Variants in TMEM108 observed in about 807,000 individuals in gnomAD.
The protein encoded by TMEM108 is cancer/testis antigen 124.
TMEM108 carries 12 observed loss-of-function variants against 35.1 expected under a neutral mutation model. That is an observed-to-expected ratio of 0.34 (90% CI 0.22 to 0.55). The LOEUF (loss-of-function observed/expected upper bound fraction) is 0.55, where lower values mean the gene tolerates loss of function less well. TMEM108 is among the 20% of genes least tolerant of loss of function. TMEM108 has a pLI of 0.89. For missense variants in TMEM108, 680 were observed against 753.3 expected, an observed-to-expected ratio of 0.90 and a Z score of 1.14; for synonymous variants, 287 against 308.6, an observed-to-expected ratio of 0.93 and a Z score of 0.73.
intron 2 of TMEM108, among the ~76,000 whole-genome samples, chr3:133,114,013 C>A (rs1944257186): frequency 6.6e-6 from 1 of 152,120 alleles, no homozygotes; most frequent in Non-Finnish European, 1.5e-5. Context: ...GTGAAAGTAG[C>A]CTGCATTTGC....
rs140424857 is a variant in TMEM108 at position 133,261,149 on chromosome 3, C to A, written c.40+31798C>A. ...ACTAGGGCCATCTCTGGAAGTGGTA[C>A]CTGTTTCATTCATTTATTCATTCAT... is the stretch of plus-strand genomic sequence containing the variant. On this transcript the variant is annotated intron_variant, in intron 3 of 5. Coordinates refer to ENST00000321871, the MANE Select transcript of TMEM108 (RefSeq NM_023943.4). 2.5e-3 allele frequency among the ~76,000 whole-genome samples: 381 copies of A among 152,232 alleles called. 1 individual carries two copies. Among genetic ancestry groups the A allele is most frequent in the African/African-American group, 8.7e-3 (361 of 41,536 alleles).
chr3:133,040,430 C>T (rs906113616), intron 1 of TMEM108, among the ~76,000 whole-genome samples: 1 of 151,818 alleles, frequency 6.6e-6, no homozygotes, highest in African/African-American at 2.4e-5. Flanking sequence ...GTCTTGAACT[C>T]CTGACCTCGT....
At chr3:133,041,765 C>T (rs977755849) in intron 1 of TMEM108, 8 of 152,142 alleles carry the variant, frequency 5.3e-5, no homozygotes, top group Admixed American at 4.6e-4. Flanking sequence ...ACAACTTAAT[C>T]GTTTCTAATT....
At chr3:133,089,527 TG>T (rs891736069) in intron 2 of TMEM108, among the ~76,000 whole-genome samples, 1 of 152,198 alleles carries the variant, frequency 6.6e-6, no homozygotes, top group Non-Finnish European at 1.5e-5. Context: ...TGGTGCTCTA[TG>T]GGCAGGTGAG....
intron 3 of TMEM108, among the ~76,000 whole-genome samples, chr3:133,343,906 T>C (rs1291389284): frequency 6.6e-6 from 1 of 151,916 alleles, no homozygotes; most frequent in Non-Finnish European, 1.5e-5. Flanking sequence ...AGTTGACCCT[T>C]GAACAACATA....
At position 133,324,997 on chromosome 3, in the gene TMEM108, A is replaced by T. The variant is rs929255257; in HGVS notation, c.41-54755A>T. Among the ~76,000 whole-genome samples the T allele has an allele frequency of 9.9e-5, 15 of 152,074 alleles. 1 individual carries two copies. Among genetic ancestry groups the T allele is most frequent in the Admixed American group, 8.5e-4 (13 of 15,246 alleles). ...TCTCAGAAAAAAGAAGAAGAAGAAG[A>T]AGTCATTATATGAAAAAGACACAAA... On this transcript the variant is annotated intron_variant, in intron 3 of 5. Coordinates refer to ENST00000321871, the MANE Select transcript of TMEM108 (RefSeq NM_023943.4).
intron 3 of TMEM108, among the ~76,000 whole-genome samples, chr3:133,244,331 G>A (rs1042588507): frequency 2.0e-5 from 3 of 152,172 alleles, no homozygotes; most frequent in Non-Finnish European, 4.4e-5. Flanking sequence ...TCCATTGCTA[G>A]GACCTTGTTC....
In TMEM108 at chr3:133,335,622, G is replaced by A. The variant is rs144784538; in HGVS notation, c.41-44130G>A. Among the ~76,000 whole-genome samples, 10 of 152,302 alleles carry A rather than the reference G, an allele frequency of 6.6e-5. No homozygotes were observed. In the East Asian group the frequency reaches 1.9e-3, roughly 29 times the overall value. ...TTAAATAAGATTTGATAAAGAAAAT[G>A]TGGTATATAGAATGAGCAGAGCAAA... On this transcript the variant is annotated intron_variant, in intron 3 of 5. Coordinates refer to ENST00000321871, the MANE Select transcript of TMEM108 (RefSeq NM_023943.4).
intron 2 of TMEM108, among the ~76,000 whole-genome samples, chr3:133,049,138 G>T (rs185651672): frequency 1.3e-5 from 2 of 152,128 alleles, no homozygotes; most frequent in South Asian, 2.1e-4. Context: ...TGGGGAGGGC[G>T]CAGATAAAGT....
chr3:133,302,425 T>C (rs1315531474), intron 3 of TMEM108, among the ~76,000 whole-genome samples: 1 of 145,498 alleles, frequency 6.9e-6, no homozygotes, highest in Non-Finnish European at 1.5e-5. Context: ...CTTTTTTTTT[T>C]TTTTTTTTTT....
chr3:133,096,821 A>G (rs1421370045), intron 2 of TMEM108, among the ~76,000 whole-genome samples: 2 of 152,246 alleles, frequency 1.3e-5, no homozygotes, highest in East Asian at 3.8e-4. Flanking sequence ...CTGTGGGTGA[A>G]CTGACACTGA....
At chr3:133,376,397 T>G (rs1209280900) in intron 3 of TMEM108, among the ~76,000 whole-genome samples, 3 of 152,186 alleles carry the variant, frequency 2.0e-5, no homozygotes, top group Non-Finnish European at 2.9e-5. Context: ...CGGTCTTTTA[T>G]TGTATCTGAC....
chr3:133,256,791 A>G lies in TMEM108; in HGVS notation c.40+27440A>G, dbSNP rs546613386. On this transcript the variant is annotated intron_variant, in intron 3 of 5. Coordinates refer to ENST00000321871, the MANE Select transcript of TMEM108 (RefSeq NM_023943.4). ...TCTGGATAAGTAGGACAAGGCAGAAATAAATCCAAATGTCAGTAAGCACAG... is the reference window on the plus strand; with the variant it reads ...TCTGGATAAGTAGGACAAGGCAGAAGTAAATCCAAATGTCAGTAAGCACAG... 7.9e-4 allele frequency among the ~76,000 whole-genome samples: 121 copies of G among 152,384 alleles called. No homozygotes were observed. In the South Asian group the frequency reaches 0.025, roughly 32 times the overall value.
chr3:133,072,668 T>G (rs1156524031), intron 2 of TMEM108, among the ~76,000 whole-genome samples: 2 of 152,154 alleles, frequency 1.3e-5, no homozygotes, highest in African/African-American at 4.8e-5. Context: ...AGTTATAATT[T>G]ACGTATTATA....
At chr3:133,047,886 C>T (rs188638130) in intron 2 of TMEM108, among the ~76,000 whole-genome samples, 71 of 152,182 alleles carry the variant, frequency 4.7e-4, no homozygotes, top group African/African-American at 1.5e-3. Flanking sequence ...TTCTAAGAAG[C>T]GATATTCGTC....
At chr3:133,207,102 G>A (rs2107834742) in intron 2 of TMEM108, among the ~76,000 whole-genome samples, 1 of 152,286 alleles carries the variant, frequency 6.6e-6, no homozygotes, top group South Asian at 2.1e-4. Flanking sequence ...TGTTTACAAT[G>A]TGAGGGGAAA....
chr3:133,312,808 A>G (rs1035587492), intron 3 of TMEM108, among the ~76,000 whole-genome samples: 4 of 152,226 alleles, frequency 2.6e-5, no homozygotes, highest in African/African-American at 9.6e-5. Flanking sequence ...CATCTTCTGC[A>G]TCGATCACGC....
intron 2 of TMEM108, among the ~76,000 whole-genome samples, chr3:133,124,094 T>C (rs765248329): frequency 7.9e-5 from 12 of 152,322 alleles, no homozygotes; most frequent in Admixed American, 1.3e-4. Context: ...ATATGGATTA[T>C]TAGAAGAAGT....
intron 3 of TMEM108, among the ~76,000 whole-genome samples, chr3:133,294,594 T>G (rs900911291): frequency 3.3e-5 from 5 of 152,242 alleles, no homozygotes; most frequent in Non-Finnish European, 7.3e-5. Context: ...AGAATCAATT[T>G]AATTCCCAAG....
Sources: allele counts gnomAD v4.1 joint callset (sites outside exome capture counted in the v4.1 genomes callset), GRCh38; gene constraint gnomAD v4.1.1; transcripts MANE v1.5; gene names NCBI Gene and HGNC (gene_info 2026-07-23, HGNC 2026-07-21).